The following CASQ2 variants were observed in gnomAD, a reference collection of about 807,000 sequenced individuals.
CASQ2 encodes the protein calsequestrin 2.
Under a neutral mutation model 46.5 loss-of-function variants are expected in CASQ2, and 49 were observed. The observed-to-expected ratio is 1.05, with a 90% CI of 0.84 to 1.34. The LOEUF (loss-of-function observed/expected upper bound fraction) is 1.34. Among genes scored for constraint, CASQ2 ranks in the 40% most tolerant of loss-of-function variants. CASQ2 has a pLI of 0.00. For missense variants in CASQ2, 486 were observed against 481.3 expected (o/e 1.01, Z -0.09); for synonymous variants, 174 against 168.5 (o/e 1.03, Z -0.25).
intron 8 of CASQ2, among the ~76,000 whole-genome samples, chr1:115,711,065 A>G (rs937632928): frequency 6.6e-6 from 1 of 152,172 alleles, no homozygotes; most frequent in Admixed American, 6.5e-5. Flanking sequence ...CCAGGAGTGA[A>G]CAGGTCCACA....
chr1:115,721,889 A>G (rs746944782), intron 7 of CASQ2, among the ~76,000 whole-genome samples: 1 of 152,174 alleles, frequency 6.6e-6, no homozygotes, highest in Non-Finnish European at 1.5e-5. Context: ...TTTGAAGTTC[A>G]TTAACTGGTC....
chr1:115,764,210 A>G (rs1649058182), intron 1 of CASQ2, among the ~76,000 whole-genome samples: 1 of 152,172 alleles, frequency 6.6e-6, no homozygotes, highest in Non-Finnish European at 1.5e-5. Context: ...AAAACTCTAA[A>G]AATTGTGTCA....
At chr1:115,742,962 G>C (rs1248068531) in intron 2 of CASQ2, among the ~76,000 whole-genome samples, 1 of 151,536 alleles carries the variant, frequency 6.6e-6, no homozygotes, top group Non-Finnish European at 1.5e-5. Flanking sequence ...TAATTTGTTT[G>C]TATTTTTAGT....
intron 1 of CASQ2, among the ~76,000 whole-genome samples, chr1:115,763,357 C>G (rs1483878210): frequency 9.2e-5 from 14 of 152,074 alleles, no homozygotes; most frequent in Admixed American, 9.2e-4. Context: ...GAGGGAATGC[C>G]AAACAGGAGT....
At chr1:115,733,348 T>G (rs999673974) in intron 4 of CASQ2, among the ~76,000 whole-genome samples, 3 of 152,144 alleles carry the variant, frequency 2.0e-5, no homozygotes, top group Non-Finnish European at 4.4e-5. Context: ...CTAGAGAGAG[T>G]GCAGTTTGCC....
rs1213925498 is a variant in CASQ2, at chr1:115,705,189, C to T, written c.939+3G>A. ...GGGTGGGGCGCTGGCTGGAGCCACT[C>T]ACCAGAGGAAAGTCGTCCGGGTCGA... On this transcript the variant is annotated splice_donor_region_variant and intron_variant, in intron 9 of 10. Coordinates refer to ENST00000261448, the MANE Select transcript of CASQ2 (RefSeq NM_001232.4). 1.3e-6 allele frequency: 2 copies of T among 1,597,224 alleles called. No individual in the cohort carries two copies. The highest frequency in any genetic ancestry group is 1.1e-5 in the South Asian group (1 of 90,766).
intron 7 of CASQ2, among the ~76,000 whole-genome samples, chr1:115,721,301 TC>T (rs1360140538): frequency 6.6e-6 from 1 of 152,134 alleles, no homozygotes; most frequent in African/African-American, 2.4e-5. Flanking sequence ...GCACTGGGTC[TC>T]CTTTTGCCCT....
chr1:115,720,249 G>A (rs549130872), intron 7 of CASQ2, among the ~76,000 whole-genome samples: 8 of 152,204 alleles, frequency 5.3e-5, no homozygotes, highest in Admixed American at 2.0e-4. Context: ...TCAAGGCGCC[G>A]GCAGATTTGG....
At chr1:115,709,482 A>G (rs1289943195) in intron 8 of CASQ2, among the ~76,000 whole-genome samples, 1 of 152,224 alleles carries the variant, frequency 6.6e-6, no homozygotes, top group East Asian at 1.9e-4. Flanking sequence ...CTATACTTCA[A>G]AAAACTGTAT....
At chr1:115,754,812 A>T (rs1435623270) in intron 1 of CASQ2, among the ~76,000 whole-genome samples, 4 of 152,362 alleles carry the variant, frequency 2.6e-5, no homozygotes, top group Non-Finnish European at 5.9e-5. Flanking sequence ...TCACAGGAGT[A>T]TCATGTATAC....
intron 7 of CASQ2, among the ~76,000 whole-genome samples, chr1:115,719,341 A>T (rs965564883): frequency 6.6e-6 from 1 of 152,210 alleles, no homozygotes; most frequent in Non-Finnish European, 1.5e-5. Context: ...GCCAGACAGA[A>T]TATCCCGATC....
chr1:115,762,108 G>T (rs1277836098), intron 1 of CASQ2, among the ~76,000 whole-genome samples: 2 of 152,192 alleles, frequency 1.3e-5, no homozygotes, highest in Non-Finnish European at 2.9e-5. Context: ...TCTAGTTGCA[G>T]CCTGTTGAAA....
chr1:115,703,934 C>G (rs376561376), intron 9 of CASQ2, among the ~76,000 whole-genome samples: 2 of 150,750 alleles, frequency 1.3e-5, no homozygotes, highest in African/African-American at 4.9e-5. Flanking sequence ...CAAAAAAAAA[C>G]TGGCCAGGAA....
At chr1:115,702,722 T>C (rs551566671) in intron 10 of CASQ2, among the ~76,000 whole-genome samples, 199 bp downstream of exon 10, 46 of 152,372 alleles carry the variant, frequency 3.0e-4, no homozygotes, top group African/African-American at 1.1e-3. Context: ...AATGTGCCCA[T>C]GGAAGAGAGC....
rs1419401721 is a variant in CASQ2 at position 115,741,937 on chromosome 1, G to A, written c.320-1109C>T. 3.3e-5 allele frequency among the ~76,000 whole-genome samples: 5 copies of A among 152,318 alleles called. No homozygotes were observed. The East Asian group carries it at 5.8e-4, about 18-fold the overall frequency. On this transcript the variant is annotated intron_variant, in intron 2 of 10. Coordinates refer to ENST00000261448, the MANE Select transcript of CASQ2 (RefSeq NM_001232.4). ...CCAGGGACAGGAAAGCTGGACTGCA[G>A]CCTGCTGTGTCCCAAGGCATGCATG...
chr1:115,743,099 G>T (rs10801966), intron 2 of CASQ2, among the ~76,000 whole-genome samples: 108,137 of 152,054 alleles, frequency 0.71, 42,159 homozygotes, highest in Non-Finnish European at 0.88. Context: ...TTGACTCTAG[G>T]GAAAGAGTTT....
chr1:115,716,975 G>C (rs1654720667), intron 8 of CASQ2, among the ~76,000 whole-genome samples: 1 of 152,172 alleles, frequency 6.6e-6, no homozygotes, highest in Admixed American at 6.5e-5. Context: ...GATCGTGGGG[G>C]TGGTTTCTTA....
rs1184892338 is a variant in CASQ2 at position 115,700,691 on chromosome 1, G to A, written c.*550C>T. Reference sequence around the variant, plus strand: ...CATCACTTGAAATAAGTTTAACAAAGCCATGAGAATATGATTTATAAGTTT... The same window carrying A: ...CATCACTTGAAATAAGTTTAACAAAACCATGAGAATATGATTTATAAGTTT... On this transcript the variant is annotated 3_prime_UTR_variant, in exon 11 of 11. Transcript: ENST00000261448. 1 of 283,362 alleles carries A rather than the reference G, an allele frequency of 3.5e-6. No homozygotes were observed. The highest frequency in any genetic ancestry group is 6.6e-6 in the Non-Finnish European group (1 of 151,880). 17.6% of individuals were successfully genotyped at this position (283,362 alleles called of 1,614,324 possible). A position where few individuals can be genotyped will look rare whatever the true frequency, so the allele number is the denominator to read the frequency against.
At chr1:115,734,105 C>T (rs184730617) in intron 4 of CASQ2, among the ~76,000 whole-genome samples, 2 of 152,304 alleles carry the variant, frequency 1.3e-5, no homozygotes, top group East Asian at 1.9e-4. Context: ...CTGATACACA[C>T]TCACACTAAC....
Sources: allele counts gnomAD v4.1 joint callset (sites outside exome capture counted in the v4.1 genomes callset), GRCh38; gene constraint gnomAD v4.1.1; transcripts MANE v1.5; gene names NCBI Gene and HGNC (gene_info 2026-07-23, HGNC 2026-07-21).